The following DCAF12 variants were observed in gnomAD, a reference collection of about 807,000 sequenced individuals.
DCAF12 encodes the protein DDB1 and CUL4 associated factor 12, also known as DDB1- and CUL4-associated factor 12.
In DCAF12, 28 loss-of-function variants were observed where a neutral mutation model predicts 52.8. The observed-to-expected ratio is 0.53, with a 90% confidence interval of 0.39 to 0.73. DCAF12 has a LOEUF of 0.73. Ranked by LOEUF, DCAF12 falls within the 30% of genes least tolerant of loss-of-function variation. DCAF12 has a pLI of 0.00. For synonymous variants in DCAF12, 196 were observed against 215.5 expected (o/e 0.91, Z 0.79); for missense variants, 425 against 552.2 (o/e 0.77, Z 2.31).
At position 34,126,599 on chromosome 9, in the gene DCAF12, G is replaced by A. The variant is rs572605823; in HGVS notation, c.-168C>T. ...CAGAAAAAAGATAGGCGGAAAGAAA[G>A]GAAAGAGAGAGGAAGGACTTGAGCC... On this transcript the variant is annotated 5_prime_UTR_variant, in exon 1 of 9. Transcript: ENST00000361264. 6.9e-6 allele frequency: 5 copies of A among 725,084 alleles called. No homozygotes were observed. The East Asian group carries it at 1.4e-4, about 20-fold the overall frequency. 44.9% of individuals were successfully genotyped at this position (725,084 alleles called of 1,614,324 possible).
In DCAF12 at chr9:34,126,650, G is replaced by C; in HGVS notation, c.-219C>G. 1.7e-6 allele frequency: 1 copy of C among 589,638 alleles called. No individual in the cohort carries two copies. Among genetic ancestry groups the C allele is most frequent in the Non-Finnish European group, 2.9e-6 (1 of 343,008 alleles). The allele number at this position is 589,638 out of a possible 1,614,324, so 36.5% of individuals were successfully genotyped here. Reference sequence around the variant, plus strand: ...GGGAAAGGGAAGGGGAAGCGAGAATGAGCGGCTTTCCGACGGCAGAGCCTG... The same window carrying C: ...GGGAAAGGGAAGGGGAAGCGAGAATCAGCGGCTTTCCGACGGCAGAGCCTG... On this transcript the variant is annotated 5_prime_UTR_variant, in exon 1 of 9. Coordinates refer to ENST00000361264, the MANE Select transcript of DCAF12 (RefSeq NM_015397.4).
intron 2 of DCAF12, among the ~76,000 whole-genome samples, chr9:34,122,889 G>A (rs994651807): frequency 2.0e-5 from 3 of 152,144 alleles, no homozygotes; most frequent in Admixed American, 6.6e-5. Flanking sequence ...ACTGTCTTGC[G>A]CCTAGCAAAC....
At position 34,125,055 on chromosome 9, in the gene DCAF12, T is replaced by C. The variant is rs1176114484; in HGVS notation, c.301A>G (p.Arg101Gly). The change falls in exon 2 of 9, where the codon AGG (arginine) becomes GGG (glycine). Residue 101 changes from arginine (R) to glycine (G), a missense_variant. Coordinates refer to ENST00000361264, the MANE Select transcript of DCAF12 (RefSeq NM_015397.4). ...KVFASQWLNH[R>G]QVVCGTKCNT... ...CATTTTGTGCCACACACCACTTGCC[T>C]ATGATTCAACCACTGAGATGCAAAC... 6.2e-7 allele frequency: 1 copy of C among 1,613,766 alleles called. No homozygotes were observed. Among genetic ancestry groups the C allele is most frequent in the Admixed American group, 1.7e-5 (1 of 60,020 alleles).
intron 4 of DCAF12, among the ~76,000 whole-genome samples, chr9:34,103,229 T>C (rs1283546422): frequency 6.7e-6 from 1 of 149,632 alleles, no homozygotes; most frequent in Non-Finnish European, 1.5e-5. Flanking sequence ...GGCCAACATG[T>C]TGTAAGCCAT....
At position 34,087,059 on chromosome 9, in the gene DCAF12, A is replaced by G. The variant is rs1828567690; in HGVS notation, c.*1291T>C. The G allele has an allele frequency of 6.6e-6, 1 of 152,236 alleles. No homozygotes were observed. Among genetic ancestry groups the G allele is most frequent in the African/African-American group, 2.4e-5 (1 of 41,466 alleles). The allele number at this position is 152,236 out of a possible 1,614,324, so 9.4% of individuals were successfully genotyped here. A position where few individuals can be genotyped will look rare whatever the true frequency, so the allele number is the denominator to read the frequency against. ...CAAGTTTAAAAACCTCAGACTAAAC[A>G]GACAGTTCAAGGGAGGAACAGACAA... On this transcript the variant is annotated 3_prime_UTR_variant, in exon 9 of 9. Transcript: ENST00000361264.
At chr9:34,115,548 G>C (rs868618005) in intron 2 of DCAF12, among the ~76,000 whole-genome samples, 1 of 147,160 alleles carries the variant, frequency 6.8e-6, no homozygotes, top group African/African-American at 2.5e-5. Context: ...GCAGTGAGCC[G>C]AGATAGCGCC....
intron 6 of DCAF12, chr9:34,093,859 G>GAT: frequency 5.6e-6 from 1 of 178,194 alleles, no homozygotes; most frequent in Admixed American, 5.5e-5. Flanking sequence ...CTGATCTCTG[G>GAT]CTACCCCCAG....
intron 4 of DCAF12, among the ~76,000 whole-genome samples, chr9:34,103,983 T>C (rs1828868293): frequency 6.6e-6 from 1 of 152,102 alleles, no homozygotes; most frequent in Non-Finnish European, 1.5e-5. Flanking sequence ...GAAAAAAACA[T>C]CTAGGCCAGG....
chr9:34,094,543 T>G (rs1828701995), intron 6 of DCAF12, among the ~76,000 whole-genome samples: 1 of 151,386 alleles, frequency 6.6e-6, no homozygotes, highest in Middle Eastern at 3.4e-3. Flanking sequence ...TTTTTTTTTT[T>G]TTTTTGAGAC....
At chr9:34,098,294 C>G in intron 5 of DCAF12, 30 bp downstream of exon 5, 1 of 1,601,398 alleles carries the variant, frequency 6.2e-7, no homozygotes, top group Non-Finnish European at 8.5e-7. Flanking sequence ...AAGAGGAATA[C>G]ACGTCAGGGA....
At chr9:34,111,160 A>AT (rs1218302880) in intron 2 of DCAF12, among the ~76,000 whole-genome samples, 1 of 151,478 alleles carries the variant, frequency 6.6e-6, no homozygotes, top group Non-Finnish European at 1.5e-5. Flanking sequence ...TAATTTTTAT[A>AT]TTTTTACTAA....
rs1294594520 is a variant in DCAF12, at chr9:34,086,982, G to C, written c.*1368C>G. 6.6e-6 allele frequency: 1 copy of C among 152,180 alleles called. No individual in the cohort carries two copies. Among genetic ancestry groups the C allele is most frequent in the Non-Finnish European group, 1.5e-5 (1 of 68,042 alleles). The allele number at this position is 152,180 out of a possible 1,614,324, so 9.4% of individuals were successfully genotyped here. A position where few individuals can be genotyped will look rare whatever the true frequency, so the allele number is the denominator to read the frequency against. ...GTGGGTGGGAACAGCTGTTATCTTTGACATGATGTGTAAAAATCAGGGAAC... is the reference window on the plus strand; with the variant it reads ...GTGGGTGGGAACAGCTGTTATCTTTCACATGATGTGTAAAAATCAGGGAAC... On this transcript the variant is annotated 3_prime_UTR_variant, in exon 9 of 9. Transcript: ENST00000361264.
intron 2 of DCAF12, among the ~76,000 whole-genome samples, chr9:34,107,870 G>A (rs977204250): frequency 2.6e-4 from 40 of 152,124 alleles, no homozygotes; most frequent in African/African-American, 9.4e-4. Context: ...ACACAAAGAG[G>A]AAGACCAACA....
intron 7 of DCAF12, among the ~76,000 whole-genome samples, chr9:34,091,830 T>C (rs1371755839): frequency 6.6e-6 from 1 of 151,952 alleles, no homozygotes. Flanking sequence ...TGGGATAAAG[T>C]GAGATAAAGA....
chr9:34,089,819 G>T (rs1828616272), intron 7 of DCAF12: 2 of 397,522 alleles, frequency 5.0e-6, no homozygotes, highest in Non-Finnish European at 8.9e-6. Flanking sequence ...CATCCAAGAA[G>T]CCTTGGAAAA....
intron 1 of DCAF12, chr9:34,125,675 T>C (rs1829238254): frequency 2.2e-6 from 1 of 456,394 alleles, no homozygotes; most frequent in Non-Finnish European, 4.6e-6. Context: ...GCACGGAAGA[T>C]ACAGTCCAAG....
intron 2 of DCAF12, among the ~76,000 whole-genome samples, chr9:34,119,700 C>CA (rs1554702094): frequency 8.1e-6 from 1 of 123,728 alleles, no homozygotes; most frequent in Non-Finnish European, 1.7e-5. Context: ...TGTACTTTTG[C>CA]GGTTTTTTTT....
At chr9:34,103,620 C>G (rs10971915) in intron 4 of DCAF12, among the ~76,000 whole-genome samples, 46,396 of 151,772 alleles carry the variant, frequency 0.31, 7,556 homozygotes, top group Non-Finnish European at 0.36. Flanking sequence ...TCGAGAGGCT[C>G]AAGTGGGAGG....
At chr9:34,095,177 C>A (rs576628490) in intron 6 of DCAF12, among the ~76,000 whole-genome samples, 1 of 149,972 alleles carries the variant, frequency 6.7e-6, no homozygotes, top group Non-Finnish European at 1.5e-5. Flanking sequence ...TGGGTTCAAG[C>A]GATTCTCCTG....
Sources: allele counts gnomAD v4.1 joint callset (sites outside exome capture counted in the v4.1 genomes callset), GRCh38; gene constraint gnomAD v4.1.1; transcripts MANE v1.5; gene names NCBI Gene and HGNC (gene_info 2026-07-23, HGNC 2026-07-21).